HECW1: variants seen among roughly 807,000 people sequenced by gnomAD.
The protein encoded by HECW1 is HECT, C2 and WW domain containing E3 ubiquitin protein ligase 1.
In HECW1, 61 loss-of-function variants were observed where a neutral mutation model predicts 182.3. That is an observed-to-expected ratio of 0.33 (90% CI 0.27 to 0.41). The LOEUF is 0.41. HECW1 is among the 10% of genes least tolerant of loss of function. The pLI is 1.00. For missense variants in HECW1, 1,739 were observed against 2,108.9 expected, an observed-to-expected ratio of 0.82 and a Z score of 3.44; for synonymous variants, 859 against 832.6, an observed-to-expected ratio of 1.03 and a Z score of -0.55.
chr7:43,125,348 G>T (rs1257321059), intron 2 of HECW1, among the ~76,000 whole-genome samples: 1 of 152,186 alleles, frequency 6.6e-6, no homozygotes, highest in Non-Finnish European at 1.5e-5. Context: ...ATCTGAATGT[G>T]GCAGAGGGGC....
At chr7:43,210,422 A>C (rs1302575168) in intron 2 of HECW1, among the ~76,000 whole-genome samples, 1 of 150,740 alleles carries the variant, frequency 6.6e-6, no homozygotes, top group Non-Finnish European at 1.5e-5. Flanking sequence ...CCACTGATAG[A>C]AGACTCAAGA....
intron 21 of HECW1, among the ~76,000 whole-genome samples, chr7:43,503,018 T>TA (rs2079429173): frequency 6.6e-6 from 1 of 152,178 alleles, no homozygotes; most frequent in Non-Finnish European, 1.5e-5. Flanking sequence ...GAGTATCTTT[T>TA]AGTCTGGTTC....
chr7:43,149,854 A>C (rs1455032180), intron 2 of HECW1, among the ~76,000 whole-genome samples: 1 of 152,182 alleles, frequency 6.6e-6, no homozygotes, highest in African/African-American at 2.4e-5. Context: ...TGATGATTTT[A>C]CTTTTAATTT....
In HECW1 at chr7:43,366,248, C is replaced by A. The variant is rs148315688; in HGVS notation, c.555+5268C>A. On this transcript the variant is annotated intron_variant, in intron 6 of 29. Coordinates refer to ENST00000395891, the MANE Select transcript of HECW1 (RefSeq NM_015052.5). ...AAAAGGCAACTCAATAGGACATTTC[C>A]ACACCAATATAGGCTAAATTAGCAC... 4.3e-3 allele frequency among the ~76,000 whole-genome samples: 662 copies of A among 152,212 alleles called. 5 individuals are homozygous for A. Among genetic ancestry groups the A allele is most frequent in the African/African-American group, 0.015 (629 of 41,514 alleles).
chr7:43,536,795 G>GC (rs11437548), intron 24 of HECW1, among the ~76,000 whole-genome samples: 84,064 of 151,872 alleles, frequency 0.55, 23,311 homozygotes, highest in Non-Finnish European at 0.58. Context: ...AACTTCAAAA[G>GC]AGTCCCTGTA....
rs1371266993 is a variant in HECW1 at position 43,463,829 on chromosome 7, G to A, written c.2791+30G>A. ...TGGAGGAGGGGTCCCCACAACCTGTGATGGCTTTCAGGGGCTGTGTGACAG... is the reference window on the plus strand; with the variant it reads ...TGGAGGAGGGGTCCCCACAACCTGTAATGGCTTTCAGGGGCTGTGTGACAG... On this transcript the variant is annotated intron_variant, in intron 14 of 29. Transcript: ENST00000395891. 1.3e-5 allele frequency: 21 copies of A among 1,610,270 alleles called. No individual in the cohort carries two copies. In the Admixed American group the frequency reaches 3.3e-4, roughly 26 times the overall value.
At chr7:43,128,832 T>C (rs571488285) in intron 2 of HECW1, among the ~76,000 whole-genome samples, 14 of 152,196 alleles carry the variant, frequency 9.2e-5, no homozygotes, top group African/African-American at 2.4e-4. Context: ...TTGGAAGACA[T>C]TGGTTGCAAC....
intron 8 of HECW1, among the ~76,000 whole-genome samples, chr7:43,422,451 C>T (rs71540533): frequency 0.019 from 2,872 of 150,754 alleles, 45 homozygotes; most frequent in Non-Finnish European, 0.029. Flanking sequence ...CAACCTCCGT[C>T]TCTTGGGTTC....
At chr7:43,235,602 A>G (rs1173865217) in intron 2 of HECW1, among the ~76,000 whole-genome samples, 1 of 152,250 alleles carries the variant, frequency 6.6e-6, no homozygotes, top group Non-Finnish European at 1.5e-5. Context: ...TAATCCATAC[A>G]GAGACATGGT....
At chr7:43,527,056 C>T (rs1459628312) in intron 24 of HECW1, among the ~76,000 whole-genome samples, 1 of 152,188 alleles carries the variant, frequency 6.6e-6, no homozygotes, top group African/African-American at 2.4e-5. Flanking sequence ...TCCAGGCAAG[C>T]AGCCTTTTAT....
chr7:43,303,126 A>G (rs886415325), intron 3 of HECW1, among the ~76,000 whole-genome samples: 1 of 151,978 alleles, frequency 6.6e-6, no homozygotes, highest in Non-Finnish European at 1.5e-5. Flanking sequence ...CTCTGCCCAT[A>G]CAAACCACCC....
chr7:43,319,601 C>CTTTTTTTTTTTTTTTTTTTTTTTTT (rs796502195), intron 4 of HECW1, among the ~76,000 whole-genome samples: 5 of 47,438 alleles, frequency 1.1e-4, no homozygotes, highest in African/African-American at 3.8e-4. Flanking sequence ...CTTTTCTTTT[C>CTTTTTTTTTTTTTTTTTTTTTTTTT]TTTTTTTTTT....
At chr7:43,390,556 A>AC (rs1261921386) in intron 6 of HECW1, among the ~76,000 whole-genome samples, 1 of 151,734 alleles carries the variant, frequency 6.6e-6, no homozygotes, top group Non-Finnish European at 1.5e-5. Flanking sequence ...AAACAAAAAA[A>AC]AAACAGCAGA....
rs2152928852 is a variant in HECW1, at chr7:43,508,989, C to T, written c.3887C>T (p.Ser1296Leu). 1.2e-6 allele frequency: 2 copies of T among 1,613,978 alleles called. No homozygotes were observed. The highest frequency in any genetic ancestry group is 1.1e-5 in the South Asian group (1 of 91,078). The change falls in exon 24 of 30, where the codon TCG becomes TTG. Residue 1296 changes from serine (S) to leucine (L), a missense_variant. Transcript: ENST00000395891. Reference protein sequence around the residue: ...GEEGLDYSGPSREFFFLLSQE... With the variant: ...GEEGLDYSGPLREFFFLLSQE... ...TGCAGCCTGGACTACAGTGGCCCCT[C>T]GCGGGAGTTCTTCTTCCTTCTGTCT...
chr7:43,511,733 T>C (rs1485311017), intron 24 of HECW1: 1 of 170,918 alleles, frequency 5.9e-6, no homozygotes, highest in South Asian at 2.0e-4. Context: ...TCTTGTGCCA[T>C]GTGGCAAATA....
chr7:43,437,391 T>C (rs926686323), intron 8 of HECW1, among the ~76,000 whole-genome samples: 1 of 152,244 alleles, frequency 6.6e-6, no homozygotes, highest in Admixed American at 6.5e-5. Flanking sequence ...TAAACATCCC[T>C]GTTAAATGTA....
At chr7:43,160,692 T>C (rs1790438593) in intron 2 of HECW1, among the ~76,000 whole-genome samples, 1 of 152,114 alleles carries the variant, frequency 6.6e-6, no homozygotes, top group Non-Finnish European at 1.5e-5. Context: ...TACTTTTAAT[T>C]CATCTCATTA....
At chr7:43,271,888 CA>C (rs1427393696) in intron 3 of HECW1, among the ~76,000 whole-genome samples, 2 of 151,896 alleles carry the variant, frequency 1.3e-5, no homozygotes, top group African/African-American at 4.8e-5. Flanking sequence ...CTTGAATAGC[CA>C]AAGAAATCCT....
chr7:43,218,287 C>T (rs1252578517), intron 2 of HECW1, among the ~76,000 whole-genome samples: 1 of 152,176 alleles, frequency 6.6e-6, no homozygotes, highest in African/African-American at 2.4e-5. Flanking sequence ...GGCAGGAGGC[C>T]TCACTGCTTT....
Sources: allele counts gnomAD v4.1 joint callset (sites outside exome capture counted in the v4.1 genomes callset), GRCh38; gene constraint gnomAD v4.1.1; transcripts MANE v1.5; gene names NCBI Gene and HGNC (gene_info 2026-07-23, HGNC 2026-07-21).